JADE2: variants seen among roughly 807,000 people sequenced by gnomAD.
JADE2 encodes the protein jade family PHD finger 2.
JADE2 carries 13 observed loss-of-function variants against 85.7 expected under a neutral mutation model. The observed-to-expected ratio is 0.15, with a 90% CI of 0.10 to 0.24. JADE2 has a LOEUF of 0.24. Ranked by LOEUF, JADE2 falls within the 10% of genes least tolerant of loss-of-function variation. The probability of loss-of-function intolerance (pLI) is 1.00; values close to 1 mark genes in which losing one functional copy is unlikely to be tolerated. For missense variants in JADE2, 846 were observed against 1,115.9 expected, an observed-to-expected ratio of 0.76 and a Z score of 3.45; for synonymous variants, 440 against 456.1, an observed-to-expected ratio of 0.96 and a Z score of 0.45.
chr5:134,551,543 T>A (rs7727010), intron 3 of JADE2, among the ~76,000 whole-genome samples: 2,460 of 151,072 alleles, frequency 0.016, 62 homozygotes, highest in African/African-American at 0.056. Context: ...TTTTTTTTTT[T>A]AATTTTTTAA....
chr5:134,570,980 G>C (rs1390851154), intron 9 of JADE2, among the ~76,000 whole-genome samples: 1 of 152,264 alleles, frequency 6.6e-6, no homozygotes, highest in African/African-American at 2.4e-5. Context: ...GCCACCAGCT[G>C]GATGGTGAGA....
chr5:134,566,033 A>G lies in JADE2; in HGVS notation c.970-83A>G. On this transcript the variant is annotated intron_variant, in intron 8 of 11. Transcript: ENST00000681547. The surrounding 1 kb of genome is among the most constrained non-coding windows in gnomAD (Gnocchi z 6.7). ...CTCTCCAGCATTGCGCATTCTCAGT[A>G]GAGCCCTGGGGGAAGCCCCTCTGTC... 1 of 1,209,858 alleles carries G rather than the reference A, an allele frequency of 8.3e-7. No individual in the cohort carries two copies. The highest frequency in any genetic ancestry group is 1.2e-6 in the Non-Finnish European group (1 of 842,226). 74.9% of individuals were successfully genotyped at this position (1,209,858 alleles called of 1,614,324 possible).
rs906011217 is a variant in JADE2, at chr5:134,566,651, G to T, written c.1434+71G>T. Reference sequence around the variant, plus strand: ...GAGTCCTTTCCATGCCACACTCACTGCCCTGGAGCAGCTAGGACTCACCAG... The same window carrying T: ...GAGTCCTTTCCATGCCACACTCACTTCCCTGGAGCAGCTAGGACTCACCAG... On this transcript the variant is annotated intron_variant, in intron 9 of 11. Transcript: ENST00000681547. This position sits in a 1 kb window ranked among gnomAD's most constrained non-coding sequence, Gnocchi z 6.7. 2.6e-6 allele frequency: 3 copies of T among 1,163,564 alleles called. No homozygotes were observed. The African/African-American group carries it at 4.6e-5, about 18-fold the overall frequency. 72.1% of individuals were successfully genotyped at this position (1,163,564 alleles called of 1,614,324 possible). A position where few individuals can be genotyped will look rare whatever the true frequency, so the allele number is the denominator to read the frequency against.
At position 134,581,130 on chromosome 5, in the gene JADE2, A is replaced by G. The variant is rs1167910264; in HGVS notation, c.*1813A>G. 1 of 152,610 alleles carries G rather than the reference A, an allele frequency of 6.6e-6. No individual in the cohort carries two copies. Among genetic ancestry groups the G allele is most frequent in the African/African-American group, 2.4e-5 (1 of 41,444 alleles). The allele number at this position is 152,610 out of a possible 1,614,324, so 9.5% of individuals were successfully genotyped here. ...TGTGAATTTTAGCAAAACAGGAAAC[A>G]AAGATAATGACTCAGTTCAGAGGAT... On this transcript the variant is annotated 3_prime_UTR_variant, in exon 12 of 12. Coordinates refer to ENST00000681547, the MANE Select transcript of JADE2 (RefSeq NM_001388185.1).
rs1404869967 is a variant in JADE2, at chr5:134,580,882, T to A, written c.*1565T>A. On this transcript the variant is annotated 3_prime_UTR_variant, in exon 12 of 12. Transcript: ENST00000681547. ...GTGTACCTGGGTGTTAGATTTCAGATCCTGGGCTGAGCCCACTGTGAGCTT... is the reference window on the plus strand; with the variant it reads ...GTGTACCTGGGTGTTAGATTTCAGAACCTGGGCTGAGCCCACTGTGAGCTT... 1 of 152,628 alleles carries A rather than the reference T, an allele frequency of 6.6e-6. No individual in the cohort carries two copies. The highest frequency in any genetic ancestry group is 2.4e-5 in the African/African-American group (1 of 41,452). The allele number at this position is 152,628 out of a possible 1,614,324, so 9.5% of individuals were successfully genotyped here.
intron 1 of JADE2, chr5:134,533,565 G>A (rs1410774750): frequency 2.8e-5 from 28 of 985,220 alleles, no homozygotes; most frequent in Non-Finnish European, 3.3e-5. Flanking sequence ...AATGGAATTC[G>A]CTTACAGGAT....
intron 1 of JADE2, among the ~76,000 whole-genome samples, chr5:134,534,990 C>T (rs1008272209): frequency 1.3e-5 from 2 of 152,200 alleles, no homozygotes; most frequent in Non-Finnish European, 2.9e-5. Context: ...GCTCAGCATG[C>T]GCCTGGGGAT....
Position 134,555,105 on chromosome 5 carries a change from G to A in JADE2, c.311+2896G>A, listed in dbSNP as rs547911527. On this transcript the variant is annotated intron_variant, in intron 4 of 11. Coordinates refer to ENST00000681547, the MANE Select transcript of JADE2 (RefSeq NM_001388185.1). ...TGTGCCCCCGTCATCCCAGCATGCT[G>A]GTTCTGGCTGCCCTCCCCCAGCTGC... Among the ~76,000 whole-genome samples the A allele has an allele frequency of 7.9e-5, 12 of 152,152 alleles. 1 individual carries two copies. The highest frequency in any genetic ancestry group is 5.9e-4 in the Admixed American group (9 of 15,280).
At chr5:134,548,363 ACCC>A (rs1490411215) in intron 3 of JADE2, among the ~76,000 whole-genome samples, 6 of 152,074 alleles carry the variant, frequency 3.9e-5, no homozygotes, top group Non-Finnish European at 7.4e-5. Context: ...GATTTAATTA[ACCC>A]GAGTCCCAGG....
At chr5:134,527,008 C>T (rs35228972) in intron 1 of JADE2, among the ~76,000 whole-genome samples, 24 of 152,140 alleles carry the variant, frequency 1.6e-4, no homozygotes, top group African/African-American at 5.8e-4. Flanking sequence ...CCCCAGCCCT[C>T]TGCCTAGGGC....
At chr5:134,555,490 G>A (rs1156744934) in intron 4 of JADE2, among the ~76,000 whole-genome samples, 1 of 152,222 alleles carries the variant, frequency 6.6e-6, no homozygotes, top group Non-Finnish European at 1.5e-5. Context: ...AGCCAGAAGG[G>A]GGCAAACAGA....
At chr5:134,545,487 T>G (rs575321576) in intron 3 of JADE2, among the ~76,000 whole-genome samples, 1 of 152,142 alleles carries the variant, frequency 6.6e-6, no homozygotes, top group East Asian at 1.9e-4. Context: ...GTAGCTATTC[T>G]CATAGCCCTT....
At chr5:134,559,420 A>G (rs1299258480) in intron 4 of JADE2, among the ~76,000 whole-genome samples, 1 of 152,194 alleles carries the variant, frequency 6.6e-6, no homozygotes. Context: ...ATTGCCCATG[A>G]TGGCACATAG....
At chr5:134,577,421 C>T (rs1257500932) in intron 11 of JADE2, among the ~76,000 whole-genome samples, 1 of 152,220 alleles carries the variant, frequency 6.6e-6, no homozygotes, top group Non-Finnish European at 1.5e-5. Context: ...CAGTGTGACT[C>T]ATGGACCTCA....
At chr5:134,571,256 C>T (rs1488819193) in intron 9 of JADE2, among the ~76,000 whole-genome samples, 2 of 152,236 alleles carry the variant, frequency 1.3e-5, no homozygotes, top group African/African-American at 4.8e-5. Flanking sequence ...CTCATCTTAA[C>T]TATTTATATC....
chr5:134,532,874 A>G (rs1761333718), intron 1 of JADE2, among the ~76,000 whole-genome samples: 1 of 152,182 alleles, frequency 6.6e-6, no homozygotes, highest in Non-Finnish European at 1.5e-5. Flanking sequence ...CCTTTGGAAG[A>G]CTTGGTTTAA....
intron 1 of JADE2, among the ~76,000 whole-genome samples, chr5:134,530,143 A>G (rs1761139363): frequency 6.6e-6 from 1 of 152,254 alleles, no homozygotes. Context: ...GATAGGAAAG[A>G]GTGGGGCTGT....
chr5:134,527,515 C>T, intron 1 of JADE2, among the ~76,000 whole-genome samples: 1 of 152,000 alleles, frequency 6.6e-6, no homozygotes, highest in East Asian at 2.0e-4. Context: ...CTCGGCTGCC[C>T]TTCCCGGTGT....
rs756720812 is a variant in JADE2, at chr5:134,559,831, A to C, written c.313A>C (p.Ile105Leu). Residue 105 changes from isoleucine to leucine, a missense_variant and splice_region_variant, in exon 5 of 12, where the codon ATC becomes CTC. This residue lies in a region of JADE2 where 78 missense variants were observed against 64.9 expected (regional missense o/e 1.20). Transcript: ENST00000681547. ...TGACATCCTGTCTTGATTTTCTAGG[A>C]TCCTCCCACCACTGGAAGGCCCCCC... ...AEAIPEPVVR[I>L]LPPLEGPPAQ... 1.4e-5 allele frequency: 23 copies of C among 1,606,026 alleles called. No individual in the cohort carries two copies. The highest frequency in any genetic ancestry group is 1.7e-4 in the Middle Eastern group (1 of 5,844).
Sources: gnomAD v4.1 joint callset for allele counts (sites outside exome capture counted in the v4.1 genomes callset) on GRCh38, gnomAD v4.1.1 for gene constraint, gnomAD v4.1.1 regional missense constraint, Gnocchi (gnomAD v3.1) non-coding constraint, MANE v1.5 for transcripts, NCBI Gene and HGNC (gene_info 2026-07-23, HGNC 2026-07-21) for gene names.